FSTL4: variants seen among roughly 807,000 people sequenced by gnomAD.
FSTL4 encodes follistatin-related protein 4.
Under a neutral mutation model 78.2 loss-of-function variants are expected in FSTL4, and 28 were observed. The ratio of observed to expected loss-of-function variants is 0.36; its 90% confidence interval spans 0.27 to 0.49. The LOEUF (loss-of-function observed/expected upper bound fraction) is 0.49, where lower values mean the gene tolerates loss of function less well. FSTL4 is among the 20% of genes least tolerant of loss of function. The pLI is 0.98. For missense variants in FSTL4, 922 were observed against 1,084.9 expected (o/e 0.85, Z 2.11); for synonymous variants, 422 against 440.5 (o/e 0.96, Z 0.53).
intron 3 of FSTL4, among the ~76,000 whole-genome samples, chr5:133,498,378 A>G (rs142910368): frequency 1.9e-3 from 295 of 152,302 alleles, no homozygotes; most frequent in Middle Eastern, 0.01. Flanking sequence ...GACTCTATAC[A>G]TCTATACATT....
the FSTL4 span, among the ~76,000 whole-genome samples, chr5:133,826,939 G>T: frequency 6.6e-6 from 1 of 152,236 alleles, no homozygotes; most frequent in East Asian, 1.9e-4. Context: ...ACAGGGCCCA[G>T]CAGGGCAGGG....
rs1215287390 is a variant in FSTL4 at position 133,225,358 on chromosome 5, G to C, written c.1178-74C>G. 11 of 1,578,538 alleles carry C rather than the reference G, an allele frequency of 7.0e-6. No homozygotes were observed. The highest frequency in any genetic ancestry group is 2.7e-5 in the African/African-American group (2 of 74,294). On this transcript the variant is annotated intron_variant, in intron 9 of 15. Coordinates refer to ENST00000265342, the MANE Select transcript of FSTL4 (RefSeq NM_015082.2). This position sits in a 1 kb window ranked among gnomAD's most constrained non-coding sequence, Gnocchi z 4.6. ...TCACTTTCCTTTATGGGGCCATTGA[G>C]AGTGTTAGGGCTGCCCAGCCCCTGG...
chr5:133,401,086 G>C lies in FSTL4; in HGVS notation c.161-100C>G, dbSNP rs377096843. ...TCACAAGCACAGACTCCATTTGCCT[G>C]TGCAGCCAAGCTACTCAAGGTGGGG... On this transcript the variant is annotated intron_variant, in intron 3 of 15. Coordinates refer to ENST00000265342, the MANE Select transcript of FSTL4 (RefSeq NM_015082.2). 1.3e-4 allele frequency: 184 copies of C among 1,395,356 alleles called. No homozygotes were observed. The Middle Eastern group carries it at 1.5e-3, about 12-fold the overall frequency. 86.4% of individuals were successfully genotyped at this position (1,395,356 alleles called of 1,614,324 possible).
Position 133,291,425 on chromosome 5 carries a change from C to T in FSTL4, c.727+21229G>A, listed in dbSNP as rs74677520. Among the ~76,000 whole-genome samples the T allele has an allele frequency of 9.0e-3, 1,372 of 152,314 alleles. 18 individuals carry two copies. The highest frequency in any genetic ancestry group is 0.031 in the African/African-American group (1,286 of 41,568). ...GGTTTTACTGGAACACAGACACATT[C>T]ATTTGTTTACATTTTATCTACAGCT... is the stretch of plus-strand genomic sequence containing the variant. On this transcript the variant is annotated intron_variant, in intron 6 of 15. Coordinates refer to ENST00000265342, the MANE Select transcript of FSTL4 (RefSeq NM_015082.2).
chr5:133,260,041 T>A (rs2126834066), intron 6 of FSTL4, among the ~76,000 whole-genome samples: 1 of 152,346 alleles, frequency 6.6e-6, no homozygotes, highest in Admixed American at 6.5e-5. Context: ...GATTTGAAGA[T>A]GATTTCTAAA....
At chr5:133,762,587 C>T in the FSTL4 span, among the ~76,000 whole-genome samples, 2 of 152,194 alleles carry the variant, frequency 1.3e-5, no homozygotes, top group South Asian at 2.1e-4. Context: ...TTTATAGACT[C>T]GTATATCCAG....
chr5:133,591,747 G>A (rs938373313), intron 2 of FSTL4, among the ~76,000 whole-genome samples: 1 of 152,130 alleles, frequency 6.6e-6, no homozygotes, highest in Non-Finnish European at 1.5e-5. Context: ...GGAAAGACCA[G>A]TCTCTGGAGA....
intron 3 of FSTL4, among the ~76,000 whole-genome samples, chr5:133,453,037 G>A (rs759648453): frequency 1.2e-4 from 18 of 152,190 alleles, no homozygotes; most frequent in Non-Finnish European, 2.6e-4. Flanking sequence ...AACAATGCCT[G>A]TGCACATACA....
At chr5:133,393,096 T>C (rs1180652850) in intron 4 of FSTL4, among the ~76,000 whole-genome samples, 1 of 152,156 alleles carries the variant, frequency 6.6e-6, no homozygotes, top group Non-Finnish European at 1.5e-5. Context: ...ATACTGTAAA[T>C]GGGACAACTG....
chr5:133,270,181 G>A (rs997364860), intron 6 of FSTL4: 2 of 152,174 alleles, frequency 1.3e-5, no homozygotes, highest in African/African-American at 2.4e-5. Flanking sequence ...CCAGGTAAGA[G>A]GTGCTAAACT....
chr5:133,729,702 C>T, the FSTL4 span, among the ~76,000 whole-genome samples: 24 of 152,054 alleles, frequency 1.6e-4, no homozygotes. Context: ...CACCACCAAC[C>T]CACCTTACTA....
intron 6 of FSTL4, among the ~76,000 whole-genome samples, chr5:133,270,931 A>G (rs1041754452): frequency 6.6e-6 from 1 of 152,188 alleles, no homozygotes; most frequent in Non-Finnish European, 1.5e-5. Flanking sequence ...TCAGGACTGG[A>G]AGCCTTTGAA....
Position 133,258,400 on chromosome 5 carries a change from C to A in FSTL4, c.728-8824G>T, listed in dbSNP as rs11949191. On this transcript the variant is annotated intron_variant, in intron 6 of 15. Coordinates refer to ENST00000265342, the MANE Select transcript of FSTL4 (RefSeq NM_015082.2). ...CAATGAGGGCAGGCCTCATCCAATT[C>A]GTTGAAGACCTAGATAGAAAAAATG... Among the ~76,000 whole-genome samples, 20 of 152,256 alleles carry A rather than the reference C, an allele frequency of 1.3e-4. No homozygotes were observed. The East Asian group carries it at 3.7e-3, about 28-fold the overall frequency.
chr5:133,779,749 C>T, the FSTL4 span, among the ~76,000 whole-genome samples: 1 of 152,216 alleles, frequency 6.6e-6, no homozygotes, highest in Non-Finnish European at 1.5e-5. Flanking sequence ...CCAGCCTCGG[C>T]TCTATCCCAC....
At chr5:133,495,886 T>C (rs915962147) in intron 3 of FSTL4, among the ~76,000 whole-genome samples, 1 of 152,168 alleles carries the variant, frequency 6.6e-6, no homozygotes, top group African/African-American at 2.4e-5. Context: ...CAGGAGACAC[T>C]AGGCTGTGAG....
chr5:133,208,758 C>T (rs527490036), intron 14 of FSTL4, among the ~76,000 whole-genome samples: 2 of 152,320 alleles, frequency 1.3e-5, no homozygotes, highest in Admixed American at 6.5e-5. Flanking sequence ...CTCACTACAA[C>T]CTCTGCCTCC....
At chr5:133,468,762 A>C (rs1457410720) in intron 3 of FSTL4, among the ~76,000 whole-genome samples, 1 of 152,178 alleles carries the variant, frequency 6.6e-6, no homozygotes, top group African/African-American at 2.4e-5. Flanking sequence ...GGGACTTCTG[A>C]CAGGCAGGCC....
the FSTL4 span, among the ~76,000 whole-genome samples, chr5:133,803,021 G>A: frequency 6.6e-6 from 1 of 152,128 alleles, no homozygotes; most frequent in African/African-American, 2.4e-5. Context: ...ACTATATGAA[G>A]GAAGCCCACC....
chr5:133,821,470 T>G, the FSTL4 span, among the ~76,000 whole-genome samples: 84 of 152,304 alleles, frequency 5.5e-4, no homozygotes, highest in African/African-American at 1.9e-3. Context: ...TGTTCCAGCA[T>G]TAATTATTAA....
Sources: gnomAD v4.1 joint callset for allele counts (sites outside exome capture counted in the v4.1 genomes callset) on GRCh38, gnomAD v4.1.1 for gene constraint, Gnocchi (gnomAD v3.1) non-coding constraint, MANE v1.5 for transcripts, NCBI Gene and HGNC (gene_info 2026-07-23, HGNC 2026-07-21) for gene names.